The following FSHR variants were observed in gnomAD, a reference collection of about 807,000 sequenced individuals.
The protein encoded by FSHR is follicle stimulating hormone receptor, also known as follicle-stimulating hormone receptor.
A neutral mutation model predicts 52.1 loss-of-function variants in FSHR; 46 were observed. The observed-to-expected ratio is 0.88, with a 90% CI of 0.70 to 1.13. The LOEUF is 1.13. Ranked by LOEUF, FSHR falls within the 50% of genes most tolerant of loss-of-function variation. The probability of loss-of-function intolerance (pLI) is 0.00; values close to 1 mark genes in which losing one functional copy is unlikely to be tolerated. For missense variants in FSHR, 964 were observed against 834.6 expected (o/e 1.16, Z -1.91); for synonymous variants, 399 against 309.6 (o/e 1.29, Z -3.03).
intron 4 of FSHR, among the ~76,000 whole-genome samples, chr2:48,993,001 A>G (rs1675855392): frequency 6.8e-6 from 1 of 146,088 alleles, no homozygotes; most frequent in Admixed American, 6.8e-5. Context: ...TTTTTTCCGG[A>G]CTCTCTTTTC....
chr2:49,074,245 A>G (rs1294928029), intron 1 of FSHR, among the ~76,000 whole-genome samples: 1 of 152,092 alleles, frequency 6.6e-6, no homozygotes, highest in East Asian at 1.9e-4. Context: ...CAGAATGAAA[A>G]GATAACCTAT....
At chr2:49,116,032 GC>G (rs1671585289) in intron 1 of FSHR, among the ~76,000 whole-genome samples, 1 of 152,140 alleles carries the variant, frequency 6.6e-6, no homozygotes, top group Non-Finnish European at 1.5e-5. Flanking sequence ...AGAGAAGAGA[GC>G]GAGGAGACTA....
At chr2:49,138,645 T>C (rs765032183) in intron 1 of FSHR, among the ~76,000 whole-genome samples, 21 of 152,160 alleles carry the variant, frequency 1.4e-4, no homozygotes, top group Non-Finnish European at 2.5e-4. Context: ...AAGTCCAGAA[T>C]AGAGAAATCT....
rs2103988662 is a variant in FSHR at position 48,962,662 on chromosome 2, C to A, written c.*71G>T. 1 of 1,472,088 alleles carries A rather than the reference C, an allele frequency of 6.8e-7. No homozygotes were observed. The allele number at this position is 1,472,088 out of a possible 1,614,324, so 91.2% of individuals were successfully genotyped here. ...GAAATGTGTAGAAGCACTGTCAGCTCTTTGTGACATACCCTTCAAAGGCAA... is the reference window on the plus strand; with the variant it reads ...GAAATGTGTAGAAGCACTGTCAGCTATTTGTGACATACCCTTCAAAGGCAA... On this transcript the variant is annotated 3_prime_UTR_variant, in exon 10 of 10. Coordinates refer to ENST00000406846, the MANE Select transcript of FSHR (RefSeq NM_000145.4).
In FSHR at chr2:48,966,358, T is replaced by G. The variant is rs929601762; in HGVS notation, c.854+2340A>C. 3.3e-5 allele frequency among the ~76,000 whole-genome samples: 5 copies of G among 152,326 alleles called. No individual in the cohort carries two copies. The South Asian group carries it at 1.0e-3, about 32-fold the overall frequency. On this transcript the variant is annotated intron_variant, in intron 9 of 9. Coordinates refer to ENST00000406846, the MANE Select transcript of FSHR (RefSeq NM_000145.4). ...ATTGAGTTGTGAAGAAACACAATTT[T>G]TATTGTATTTAACATTAAAAATTGA...
At chr2:49,064,366 A>G (rs1669427921) in intron 2 of FSHR, among the ~76,000 whole-genome samples, 1 of 152,058 alleles carries the variant, frequency 6.6e-6, no homozygotes, top group Admixed American at 6.6e-5. Context: ...ATCCCCATGA[A>G]GAGATTAGTG....
At chr2:49,071,853 T>C (rs1037951444) in intron 1 of FSHR, among the ~76,000 whole-genome samples, 5 of 152,030 alleles carry the variant, frequency 3.3e-5, no homozygotes, top group African/African-American at 9.7e-5. Context: ...AATCAGCTCT[T>C]GTGAAAACTA....
rs1283571916 is a variant in FSHR at position 49,017,498 on chromosome 2, AG to A, written c.364del (p.Leu122PhefsTer5). On this transcript the variant is annotated frameshift_variant, in exon 4 of 10. Coordinates refer to ENST00000406846, the MANE Select transcript of FSHR (RefSeq NM_000145.4). LOFTEE classifies it high-confidence loss of function. ...CTACATGAGTTCTTACAGATATTGA[AG>A]GTTGGGAAGGTTCTGGAAGGCCTCA... ...NPEAFQNLPN[L>X]QYLLISNTGI... 1 of 1,611,916 alleles carries A rather than the reference AG, an allele frequency of 6.2e-7. No individual in the cohort carries two copies. Among genetic ancestry groups the A allele is most frequent in the African/African-American group, 1.3e-5 (1 of 74,798 alleles).
At chr2:49,133,659 C>G (rs190772852) in intron 1 of FSHR, among the ~76,000 whole-genome samples, 203 of 152,316 alleles carry the variant, frequency 1.3e-3, no homozygotes, top group Admixed American at 3.8e-3. Context: ...CACTACCTGA[C>G]TTCAAACTAT....
intron 1 of FSHR, among the ~76,000 whole-genome samples, chr2:49,121,109 T>C (rs1475118049): frequency 6.6e-6 from 1 of 152,224 alleles, no homozygotes; most frequent in Non-Finnish European, 1.5e-5. Context: ...TTGGATAATA[T>C]GTGGTCAGTG....
In FSHR at chr2:49,145,088, G is replaced by A. The variant is rs954118143; in HGVS notation, c.152+9178C>T. Among the ~76,000 whole-genome samples the A allele has an allele frequency of 5.3e-5, 8 of 151,948 alleles. No individual in the cohort carries two copies. In the East Asian group the frequency reaches 5.8e-4, roughly 11 times the overall value. On this transcript the variant is annotated intron_variant, in intron 1 of 9. Transcript: ENST00000406846. ...AAGCTGGCATACACAGCCCATTGAC[G>A]GGTAAACTTTTACCCAACAGGCATA...
At chr2:48,967,342 T>C (rs1674524303) in intron 9 of FSHR, among the ~76,000 whole-genome samples, 1 of 152,132 alleles carries the variant, frequency 6.6e-6, no homozygotes, top group African/African-American at 2.4e-5. Flanking sequence ...CAAGGAGTTA[T>C]TCCGCCTTGG....
intron 2 of FSHR, among the ~76,000 whole-genome samples, chr2:49,034,693 G>C (rs1273438336): frequency 1.3e-5 from 2 of 152,122 alleles, no homozygotes; most frequent in African/African-American, 4.8e-5. Flanking sequence ...TGTTATTACA[G>C]TTTTCTTTGA....
Position 48,963,440 on chromosome 2 carries a change from T to C in FSHR, c.1381A>G (p.Thr461Ala). The C allele has an allele frequency of 6.2e-7, 1 of 1,614,108 alleles. No individual in the cohort carries two copies. Among genetic ancestry groups the C allele is most frequent in the Non-Finnish European group, 8.5e-7 (1 of 1,180,012 alleles). The change falls in exon 10 of 10, where the codon ACA becomes GCA. Residue 461 changes from threonine to alanine, a missense_variant. Physicochemically the swap from Thr to Ala is moderately conservative, Grantham distance 58. Coordinates refer to ENST00000406846, the MANE Select transcript of FSHR (RefSeq NM_000145.4). The part of the protein sequence containing the change: ...FASELSVYTL[T>A]AITLERWHTI... ...TGCCATCTTTCCAAGGTGATAGCTG[T>C]CAGAGTGTAGACTGACAGCTCACTG...
At chr2:49,087,042 T>A (rs1481852600) in intron 1 of FSHR, among the ~76,000 whole-genome samples, 7 of 149,254 alleles carry the variant, frequency 4.7e-5, no homozygotes, top group African/African-American at 1.7e-4. Flanking sequence ...GTTGCTCTGC[T>A]CAGTAGTTGA....
chr2:49,043,417 T>C (rs1019280411), intron 2 of FSHR, among the ~76,000 whole-genome samples: 1 of 152,218 alleles, frequency 6.6e-6, no homozygotes, highest in Admixed American at 6.5e-5. Context: ...GATTTGACTA[T>C]GTAATTAGGC....
intron 2 of FSHR, among the ~76,000 whole-genome samples, chr2:49,040,163 T>G (rs1250301624): frequency 6.6e-6 from 1 of 152,176 alleles, no homozygotes; most frequent in Non-Finnish European, 1.5e-5. Context: ...AAATCAAATT[T>G]GATGTCTACT....
intron 2 of FSHR, among the ~76,000 whole-genome samples, chr2:49,023,952 G>T (rs1349680756): frequency 6.6e-6 from 1 of 151,672 alleles, no homozygotes; most frequent in East Asian, 1.9e-4. Flanking sequence ...TTGGGGTAGG[G>T]TGTTTTCCAA....
intron 2 of FSHR, among the ~76,000 whole-genome samples, chr2:49,058,609 A>G (rs1300017708): frequency 6.6e-6 from 1 of 152,156 alleles, no homozygotes; most frequent in Non-Finnish European, 1.5e-5. Context: ...TAAAGTTGAA[A>G]GATACAAAAT....
Sources: gnomAD v4.1 joint callset for allele counts (sites outside exome capture counted in the v4.1 genomes callset) on GRCh38, gnomAD v4.1.1 for gene constraint, MANE v1.5 for transcripts, NCBI Gene and HGNC (gene_info 2026-07-23, HGNC 2026-07-21) for gene names.